The following C2 variants were observed in gnomAD, a reference collection of about 807,000 sequenced individuals.
C2 encodes C3/C5 convertase.
A neutral mutation model predicts 85.2 loss-of-function variants in C2; 64 were observed. The ratio of observed to expected loss-of-function variants is 0.75; its 90% CI spans 0.61 to 0.92. C2 has a LOEUF of 0.92. C2 is among the 40% of genes least tolerant of loss of function. The pLI, the probability that C2 is intolerant of heterozygous loss-of-function variation, is 0.00. For missense variants in C2, 820 were observed against 971.6 expected, an observed-to-expected ratio of 0.84 and a Z score of 2.07; for synonymous variants, 311 against 370.8, an observed-to-expected ratio of 0.84 and a Z score of 1.85.
intron 6 of C2, chr6:31,934,669 T>C: frequency 2.4e-6 from 3 of 1,271,636 alleles, no homozygotes; most frequent in Non-Finnish European, 9.9e-7. Context: ...TAATTTAATA[T>C]TTAATAATTT....
At position 31,943,147 on chromosome 6, in the gene C2, C is replaced by T. The variant is rs761558712; in HGVS notation, c.1360+48C>T. On this transcript the variant is annotated intron_variant, in intron 10 of 17. Coordinates refer to ENST00000299367, the MANE Select transcript of C2 (RefSeq NM_000063.6). This position sits in a 1 kb window ranked among gnomAD's most constrained non-coding sequence, Gnocchi z 6.4. ...GGTGTGGGGAGGATGGTGAGGAGCC[C>T]GCCAGAGGCCCGTGTTGGGAACCTG... The T allele has an allele frequency of 4.3e-5, 69 of 1,612,746 alleles. No homozygotes were observed. Among genetic ancestry groups the T allele is most frequent in the South Asian group, 1.1e-4 (10 of 91,080 alleles).
Position 31,943,812 on chromosome 6 carries a change from G to A in C2, c.1733+3G>A. On this transcript the variant is annotated splice_donor_region_variant and intron_variant, in intron 13 of 17. Transcript: ENST00000299367. The surrounding 1 kb of genome is among the most constrained non-coding windows in gnomAD (Gnocchi z 6.4). The stretch of plus-strand genomic sequence containing the variant: ...GTAAAGATGTCCACCCATGCCAGGT[G>A]CCTGGAGTCTGGGATGGGAGGGTGC... 6.2e-7 allele frequency: 1 copy of A among 1,613,024 alleles called. No individual in the cohort carries two copies. The highest frequency in any genetic ancestry group is 8.5e-7 in the Non-Finnish European group (1 of 1,179,986).
chr6:31,936,723 G>C (rs2151759362), intron 7 of C2: 1 of 156,968 alleles, frequency 6.4e-6, no homozygotes, highest in African/African-American at 2.4e-5. Context: ...TGGTCAGGCT[G>C]GTCTCGTGAT....
intron 1 of C2, among the ~76,000 whole-genome samples, chr6:31,914,781 C>T (rs1768382548): frequency 6.9e-6 from 1 of 145,054 alleles, no homozygotes; most frequent in Non-Finnish European, 1.5e-5. Flanking sequence ...GGCGTGGTGG[C>T]AGGCGCCTGT....
chr6:31,943,402 C>T lies in C2; in HGVS notation c.1456-14C>T. 3.1e-6 allele frequency: 5 copies of T among 1,611,898 alleles called. No homozygotes were observed. The highest frequency in any genetic ancestry group is 4.2e-6 in the Non-Finnish European group (5 of 1,178,966). ...ACATACTGCAATCTCTGAAAATCAC[C>T]TGTTCCCCTGCAGCCCAAGAGCCAA... On this transcript the variant is annotated splice_polypyrimidine_tract_variant and intron_variant, in intron 11 of 17. Transcript: ENST00000299367. The surrounding 1 kb of genome is among the most constrained non-coding windows in gnomAD (Gnocchi z 6.4).
chr6:31,927,983 T>C lies in C2; in HGVS notation c.75T>C (p.Pro25=). Residue 25 remains proline, a synonymous_variant, in exon 2 of 18, where the codon CCT becomes CCC. Transcript: ENST00000299367. This position sits in a 1 kb window ranked among gnomAD's most constrained non-coding sequence, Gnocchi z 4.7. ...PGLADSAPSC[P]QNVNISGGTF... is the part of the protein sequence containing the mutation. ...TGGCAGACTCGGCTCCCTCCTGCCC[T>C]CAGAACGTGAATATCTCGGGTGGCA... The C allele has an allele frequency of 6.2e-7, 1 of 1,614,142 alleles. No homozygotes were observed. Among genetic ancestry groups the C allele is most frequent in the Admixed American group, 1.7e-5 (1 of 60,010 alleles).
chr6:31,939,991 G>T (rs1770754968), intron 9 of C2, among the ~76,000 whole-genome samples: 1 of 152,160 alleles, frequency 6.6e-6, no homozygotes, highest in Non-Finnish European at 1.5e-5. Context: ...TGGCAGTCTG[G>T]TGTCAAACCC....
intron 1 of C2, among the ~76,000 whole-genome samples, chr6:31,909,416 C>G (rs768396126): frequency 1.3e-5 from 2 of 151,800 alleles, no homozygotes; most frequent in African/African-American, 4.8e-5. Context: ...CTTAGCCTCC[C>G]GAGTAGCTAG....
chr6:31,916,625 C>T (rs1283372016), upstream of C2, among the ~76,000 whole-genome samples: 1 of 151,500 alleles, frequency 6.6e-6, no homozygotes, highest in Non-Finnish European at 1.5e-5. Flanking sequence ...CCCCCAGGCC[C>T]TCCTGAGGAG....
upstream of C2, chr6:31,897,969 C>T (rs1766813678): frequency 2.1e-6 from 2 of 974,832 alleles, no homozygotes; most frequent in African/African-American, 1.7e-5. Flanking sequence ...CTGAACTTCT[C>T]GGCTCTCGGC....
chr6:31,936,391 G>C, intron 7 of C2: 1 of 382,012 alleles, frequency 2.6e-6, no homozygotes, highest in South Asian at 2.6e-5. Context: ...TAAAGTGCCT[G>C]GTTGGCACTT....
At chr6:31,916,868 A>G (rs4947333), upstream of C2, among the ~76,000 whole-genome samples, 1 of 85,394 alleles carries the variant, frequency 1.2e-5, no homozygotes, top group African/African-American at 4.8e-5. Context: ...CTCCATCTCA[A>G]CAAAAAAAAA....
intron 3 of C2, among the ~76,000 whole-genome samples, chr6:31,932,708 C>T (rs369672643): frequency 1.2e-4 from 18 of 151,512 alleles, no homozygotes; most frequent in East Asian, 7.8e-4. Context: ...ACTTCCCAGA[C>T]GGGGTGGCGG....
Position 31,928,016 on chromosome 6 carries a change from C to T in C2, c.108C>T (p.Thr36=). 1 of 1,614,182 alleles carries T rather than the reference C, an allele frequency of 6.2e-7. No individual in the cohort carries two copies. Among genetic ancestry groups the T allele is most frequent in the Non-Finnish European group, 8.5e-7 (1 of 1,180,028 alleles). The part of the protein sequence containing the change: ...QNVNISGGTF[T]LSHGWAPGSL... Reference sequence around the variant, plus strand: ...TGAATATCTCGGGTGGCACCTTCACCCTCAGCCATGGCTGGGCTCCTGGGA... The same window carrying T: ...TGAATATCTCGGGTGGCACCTTCACTCTCAGCCATGGCTGGGCTCCTGGGA... The change falls in exon 2 of 18, where the codon ACC becomes ACT. Residue 36 remains threonine, a synonymous_variant. Coordinates refer to ENST00000299367, the MANE Select transcript of C2 (RefSeq NM_000063.6).
At chr6:31,937,573 T>C in intron 8 of C2, 114 bp downstream of exon 8, 2 of 1,391,810 alleles carry the variant, frequency 1.4e-6, no homozygotes, top group Non-Finnish European at 2.0e-6. Context: ...CCCAGTTTTG[T>C]TTTTGTTTTT....
intron 9 of C2, among the ~76,000 whole-genome samples, 190 bp downstream of exon 9, chr6:31,939,510 CTTT>C (rs896123643): frequency 4.7e-5 from 6 of 126,398 alleles, no homozygotes; most frequent in Admixed American, 2.4e-4. Flanking sequence ...ACCTTACCTT[CTTT>C]TTTTTTTTTT....
chr6:31,909,738 C>T (rs1767962551), intron 1 of C2, among the ~76,000 whole-genome samples: 1 of 151,852 alleles, frequency 6.6e-6, no homozygotes, highest in Non-Finnish European at 1.5e-5. Context: ...GCCACTGTGC[C>T]CACCCTATAT....
At chr6:31,929,000 C>T (rs1769508995) in intron 3 of C2, 83 bp downstream of exon 3, 1 of 1,292,194 alleles carries the variant, frequency 7.7e-7, no homozygotes, top group Non-Finnish European at 1.1e-6. Flanking sequence ...CAGGAAGCCT[C>T]TGTGGGGATA....
upstream of C2, chr6:31,900,591 C>T: frequency 1.2e-6 from 2 of 1,612,498 alleles, no homozygotes; most frequent in Non-Finnish European, 1.7e-6. The surrounding 1 kb of genome is among the most constrained non-coding windows in gnomAD (Gnocchi z 9.7). Context: ...TGGCCACCCA[C>T]GGAGCCTCCA....
Sources: gnomAD v4.1 joint callset for allele counts (sites outside exome capture counted in the v4.1 genomes callset) on GRCh38, gnomAD v4.1.1 for gene constraint, Gnocchi (gnomAD v3.1) non-coding constraint, MANE v1.5 for transcripts, NCBI Gene and HGNC (gene_info 2026-07-23, HGNC 2026-07-21) for gene names.